DOCK9: variants seen among roughly 807,000 people sequenced by gnomAD.
DOCK9 encodes dedicator of cytokinesis 9.
In DOCK9, 89 loss-of-function variants were observed where a neutral mutation model predicts 263.3. The observed-to-expected ratio is 0.34, with a 90% CI of 0.28 to 0.40. The LOEUF (loss-of-function observed/expected upper bound fraction) is 0.40, where lower values mean the gene tolerates loss of function less well. Among genes scored for constraint, DOCK9 ranks in the 10% least tolerant of loss-of-function variants. DOCK9 has a pLI of 1.00. For missense variants in DOCK9, 2,140 were observed against 2,603.4 expected, an observed-to-expected ratio of 0.82 and a Z score of 3.87; for synonymous variants, 976 against 973.1, an observed-to-expected ratio of 1.00 and a Z score of -0.06.
rs538820442 is a variant in DOCK9, at chr13:98,937,199, G to T, written c.244-6942C>A. Among the ~76,000 whole-genome samples the T allele has an allele frequency of 3.9e-3, 593 of 152,184 alleles. 2 individuals are homozygous for T. Among genetic ancestry groups the T allele is most frequent in the African/African-American group, 0.014 (568 of 41,538 alleles). ...ATTCCGCTAATAAATCTGTACATTT[G>T]AAAAGGGAAAGGGGAAAAAACATTT... is the stretch of plus-strand genomic sequence containing the variant. On this transcript the variant is annotated intron_variant, in intron 2 of 52. Coordinates refer to ENST00000682017, the MANE Select transcript of DOCK9 (RefSeq NM_001366683.2).
In DOCK9 at chr13:98,902,473, T is replaced by TA; in HGVS notation, c.1194dup (p.Thr399TyrfsTer6). 1 of 1,613,520 alleles carries TA rather than the reference T, an allele frequency of 6.2e-7. No individual in the cohort carries two copies. Among genetic ancestry groups the TA allele is most frequent in the Non-Finnish European group, 8.5e-7 (1 of 1,179,802 alleles). ...TATTTTATGTCAAACAGGGATAGAG[T>TA]AACAAAGAAAGGTTCAACCTGAACA... On this transcript the variant is annotated frameshift_variant, in exon 12 of 53. Coordinates refer to ENST00000682017, the MANE Select transcript of DOCK9 (RefSeq NM_001366683.2). LOFTEE classifies it high-confidence loss of function.
At position 98,925,925 on chromosome 13, in the gene DOCK9, G is replaced by T; in HGVS notation, c.334-6C>A. ...GAGTTATAGGTTTTGATGCACTATT[G>T]AAGGGGGATTTTAAAAATAGAAAAT... On this transcript the variant is annotated splice_polypyrimidine_tract_variant and splice_region_variant and intron_variant, in intron 3 of 52. Transcript: ENST00000682017. 6.5e-7 allele frequency: 1 copy of T among 1,545,658 alleles called. No homozygotes were observed. Among genetic ancestry groups the T allele is most frequent in the South Asian group, 1.2e-5 (1 of 81,072 alleles).
At chr13:99,027,789 G>T (rs1273038940) in intron 1 of DOCK9, among the ~76,000 whole-genome samples, 1 of 152,090 alleles carries the variant, frequency 6.6e-6, no homozygotes, top group Non-Finnish European at 1.5e-5. Context: ...ACCACTCGTG[G>T]CTCATGGCCT....
At chr13:99,045,199 C>G (rs888649973) in intron 1 of DOCK9, among the ~76,000 whole-genome samples, 3 of 152,222 alleles carry the variant, frequency 2.0e-5, no homozygotes, top group Non-Finnish European at 4.4e-5. Context: ...AAAGCGATAT[C>G]TGCACTCCCA....
intron 32 of DOCK9, 69 bp from the exon 33 acceptor site, chr13:98,860,591 T>C: frequency 6.9e-7 from 1 of 1,447,352 alleles, no homozygotes; most frequent in Non-Finnish European, 9.3e-7. Context: ...TTCTTGGAAG[T>C]GCCAGGGCAA....
chr13:98,982,397 T>C (rs1567168982), upstream of DOCK9, among the ~76,000 whole-genome samples: 1 of 152,210 alleles, frequency 6.6e-6, no homozygotes, highest in African/African-American at 2.4e-5. Context: ...CCAGTTTAAA[T>C]ACCATCTTCC....
Position 98,883,805 on chromosome 13 carries a change from G to A in DOCK9, c.2469+8C>T. 1 of 1,587,762 alleles carries A rather than the reference G, an allele frequency of 6.3e-7. No individual in the cohort carries two copies. Among genetic ancestry groups the A allele is most frequent in the Non-Finnish European group, 8.6e-7 (1 of 1,168,576 alleles). On this transcript the variant is annotated splice_region_variant and intron_variant, in intron 22 of 52. Transcript: ENST00000682017. The stretch of plus-strand genomic sequence containing the variant: ...AGCAACTGCTAATTTTGTTGAAGGA[G>A]CACATACCTGAGTATACACTGTAGA...
intron 1 of DOCK9, among the ~76,000 whole-genome samples, chr13:99,052,377 C>G (rs2040736720): frequency 6.6e-6 from 1 of 152,200 alleles, no homozygotes; most frequent in Admixed American, 6.5e-5. Flanking sequence ...CTGACCTCAG[C>G]TCCCCATCTC....
rs151272147 is a variant in DOCK9, at chr13:98,828,721, G to T, written c.4965+586C>A. Among the ~76,000 whole-genome samples the T allele has an allele frequency of 8.9e-4, 136 of 152,288 alleles. 1 individual carries two copies. The highest frequency in any genetic ancestry group is 3.1e-3 in the African/African-American group (129 of 41,558). On this transcript the variant is annotated intron_variant, in intron 43 of 52. Transcript: ENST00000682017. Reference sequence around the variant, plus strand: ...GTTTTCTTCAATTCCCCATTTTACAGATGATGTCATTGAGCAATAGAGGGG... The same window carrying T: ...GTTTTCTTCAATTCCCCATTTTACATATGATGTCATTGAGCAATAGAGGGG...
intron 1 of DOCK9, among the ~76,000 whole-genome samples, chr13:99,077,925 A>C (rs538472534): frequency 1.3e-5 from 2 of 152,226 alleles, no homozygotes; most frequent in Non-Finnish European, 2.9e-5. Flanking sequence ...TCCTTGGCCC[A>C]TAACGACTGA....
chr13:98,884,835 T>C (rs2045424924), intron 21 of DOCK9, 136 bp downstream of exon 21: 6 of 1,123,996 alleles, frequency 5.3e-6, no homozygotes, highest in Non-Finnish European at 7.5e-6. Context: ...CAAAGTTTAC[T>C]TGAAAATGAA....
intron 1 of DOCK9, among the ~76,000 whole-genome samples, chr13:99,050,053 A>C (rs902097179): frequency 3.9e-5 from 6 of 152,246 alleles, no homozygotes; most frequent in Non-Finnish European, 8.8e-5. Context: ...GGAGCTATCA[A>C]AGTTTATGGA....
At chr13:99,051,595 G>T (rs761164261) in intron 1 of DOCK9, among the ~76,000 whole-genome samples, 3 of 152,116 alleles carry the variant, frequency 2.0e-5, no homozygotes, top group Non-Finnish European at 4.4e-5. Flanking sequence ...TTCGCTGATA[G>T]TGATACAAAC....
intron 1 of DOCK9, chr13:99,086,125 C>A: frequency 7.4e-7 from 1 of 1,360,458 alleles, no homozygotes; most frequent in South Asian, 1.6e-5. Flanking sequence ...GTCGGCCGCT[C>A]TGCCTCAGCC....
chr13:99,036,140 A>G (rs1228280594), intron 1 of DOCK9, among the ~76,000 whole-genome samples: 3 of 152,218 alleles, frequency 2.0e-5, no homozygotes, highest in Admixed American at 1.3e-4. Context: ...ATGGATGTAT[A>G]ATACATACAC....
At chr13:98,868,492 TG>T in intron 27 of DOCK9, 115 bp from the exon 28 acceptor site, 1 of 1,227,582 alleles carries the variant, frequency 8.1e-7, no homozygotes, top group Non-Finnish European at 1.1e-6. Flanking sequence ...AGCTGGGTGC[TG>T]TGGCTCACAC....
intron 34 of DOCK9, among the ~76,000 whole-genome samples, chr13:98,855,366 G>T (rs1215002629): frequency 1.3e-5 from 2 of 152,172 alleles, no homozygotes; most frequent in African/African-American, 4.8e-5. Flanking sequence ...GAGGTCAGGA[G>T]TTTGAGCCCA....
chr13:99,052,947 C>A (rs898733718), intron 1 of DOCK9, among the ~76,000 whole-genome samples: 1 of 152,152 alleles, frequency 6.6e-6, no homozygotes, highest in Non-Finnish European at 1.5e-5. Flanking sequence ...TGTCTCTCCA[C>A]TCTATTGATG....
intron 49 of DOCK9, among the ~76,000 whole-genome samples, chr13:98,801,249 C>T (rs1446663338): frequency 6.6e-6 from 1 of 152,162 alleles, no homozygotes; most frequent in Non-Finnish European, 1.5e-5. Flanking sequence ...TGTGCCACTG[C>T]ACTCCAGCCT....
Sources: allele counts gnomAD v4.1 joint callset (sites outside exome capture counted in the v4.1 genomes callset), GRCh38; gene constraint gnomAD v4.1.1; transcripts MANE v1.5; gene names NCBI Gene and HGNC (gene_info 2026-07-23, HGNC 2026-07-21).